CSRNP3: variants seen among roughly 807,000 people sequenced by gnomAD.
CSRNP3 encodes the protein cysteine/serine-rich nuclear protein 3.
A neutral mutation model predicts 48.0 loss-of-function variants in CSRNP3; 12 were observed. The ratio of observed to expected loss-of-function variants is 0.25; its 90% confidence interval spans 0.16 to 0.41. CSRNP3 has a LOEUF of 0.41. Among genes scored for constraint, CSRNP3 ranks in the 10% least tolerant of loss-of-function variants. The probability of loss-of-function intolerance (pLI) is 1.00; values close to 1 mark genes in which losing one functional copy is unlikely to be tolerated. For missense variants in CSRNP3, 580 were observed against 724.4 expected, an observed-to-expected ratio of 0.80 and a Z score of 2.29; for synonymous variants, 263 against 269.7, an observed-to-expected ratio of 0.98 and a Z score of 0.24.
chr2:165,514,415 T>A (rs1684547611), intron 2 of CSRNP3, among the ~76,000 whole-genome samples: 1 of 152,254 alleles, frequency 6.6e-6, no homozygotes, highest in South Asian at 2.1e-4. Context: ...TGCCCCTTAA[T>A]CTTCCTGAGG....
chr2:165,600,521 A>G (rs919605444), intron 4 of CSRNP3, among the ~76,000 whole-genome samples: 3 of 152,176 alleles, frequency 2.0e-5, no homozygotes, highest in South Asian at 2.1e-4. Flanking sequence ...TGACCTCCAC[A>G]AGGATTGAAC....
At chr2:165,512,575 A>G (rs1250370417) in intron 2 of CSRNP3, among the ~76,000 whole-genome samples, 2 of 152,148 alleles carry the variant, frequency 1.3e-5, no homozygotes, top group African/African-American at 4.8e-5. Context: ...ACTAAGTACT[A>G]TTATTCTTTT....
chr2:165,592,701 C>A (rs1685738412), intron 3 of CSRNP3, among the ~76,000 whole-genome samples: 2 of 151,992 alleles, frequency 1.3e-5, no homozygotes, highest in Non-Finnish European at 2.9e-5. Flanking sequence ...TCTCTTCTGC[C>A]ATGTGAAGAA....
intron 2 of CSRNP3, among the ~76,000 whole-genome samples, chr2:165,516,604 C>T (rs1025749050): frequency 6.6e-6 from 1 of 151,930 alleles, no homozygotes; most frequent in Non-Finnish European, 1.5e-5. Context: ...TTTTTAAAAA[C>T]CTAAAAATCA....
chr2:165,572,115 G>A (rs954005499), intron 3 of CSRNP3, among the ~76,000 whole-genome samples: 4 of 151,978 alleles, frequency 2.6e-5, no homozygotes, highest in Non-Finnish European at 5.9e-5. Context: ...ATAAAATCTA[G>A]TTAACTTCTT....
At chr2:165,668,220 TA>T in intron 5 of CSRNP3, among the ~76,000 whole-genome samples, 1 of 152,226 alleles carries the variant, frequency 6.6e-6, no homozygotes, top group Middle Eastern at 3.4e-3. Context: ...AGTAATACGT[TA>T]GCTCAACCAG....
chr2:165,514,045 A>G (rs1039666761), intron 2 of CSRNP3, among the ~76,000 whole-genome samples: 2 of 152,232 alleles, frequency 1.3e-5, no homozygotes, highest in African/African-American at 2.4e-5. Context: ...CATTAAAGTT[A>G]TATTCAGACA....
intron 4 of CSRNP3, among the ~76,000 whole-genome samples, chr2:165,599,569 G>C: frequency 6.6e-6 from 1 of 152,148 alleles, no homozygotes; most frequent in African/African-American, 2.4e-5. Flanking sequence ...AGGATTACAG[G>C]CAAGAGCCAC....
intron 1 of CSRNP3, among the ~76,000 whole-genome samples, chr2:165,482,426 G>A (rs1459069447): frequency 1.3e-5 from 2 of 151,994 alleles, no homozygotes; most frequent in African/African-American, 4.8e-5. Context: ...ACTACGCTGG[G>A]CCAGTTTTTG....
chr2:165,594,208 G>A (rs1257907607), intron 3 of CSRNP3, among the ~76,000 whole-genome samples: 1 of 152,000 alleles, frequency 6.6e-6, no homozygotes, highest in African/African-American at 2.4e-5. Context: ...TTCAGTTAAT[G>A]TAATTTAGCA....
chr2:165,620,921 A>C (rs1686327811), intron 4 of CSRNP3, among the ~76,000 whole-genome samples: 4 of 152,050 alleles, frequency 2.6e-5, no homozygotes, highest in Admixed American at 2.6e-4. Context: ...TATATATTAT[A>C]ATATTATCAT....
intron 3 of CSRNP3, among the ~76,000 whole-genome samples, chr2:165,552,348 T>C (rs1685108350): frequency 6.6e-6 from 1 of 152,230 alleles, no homozygotes; most frequent in Non-Finnish European, 1.5e-5. Flanking sequence ...ATCTCAGTAA[T>C]CTGAACAGAA....
intron 2 of CSRNP3, among the ~76,000 whole-genome samples, chr2:165,504,062 C>T (rs1485836529): frequency 6.6e-6 from 1 of 151,880 alleles, no homozygotes; most frequent in Admixed American, 6.6e-5. Context: ...TTGCCTTTGA[C>T]TCTATTTCAT....
intron 4 of CSRNP3, among the ~76,000 whole-genome samples, chr2:165,622,121 A>G (rs7591092): frequency 0.7 from 105,932 of 151,782 alleles, 38,215 homozygotes; most frequent in Non-Finnish European, 0.79. Context: ...GATTACCATG[A>G]CATTTGGAAA....
chr2:165,619,129 G>C (rs1686297302), intron 4 of CSRNP3, among the ~76,000 whole-genome samples: 1 of 152,062 alleles, frequency 6.6e-6, no homozygotes, highest in Non-Finnish European at 1.5e-5. Context: ...GAGAACTAAA[G>C]TAAAATAGAG....
rs374516256 is a variant in CSRNP3 at position 165,592,801 on chromosome 2, C to CTTTTTTTT, written c.-23-2242_-23-2241insTTTTTTTT. Among the ~76,000 whole-genome samples, 7 of 133,444 alleles carry CTTTTTTTT rather than the reference C, an allele frequency of 5.2e-5. 2 individuals are homozygous for CTTTTTTTT. Among genetic ancestry groups the CTTTTTTTT allele is most frequent in the Admixed American group, 7.6e-5 (1 of 13,244 alleles). 87.5% of individuals were successfully genotyped at this position (133,444 alleles called of 152,430 possible). On this transcript the variant is annotated intron_variant, in intron 3 of 6. Transcript: ENST00000651982. ...ACTGTGAGTCAATTAAACCTCTTTTCATTTTTTTTTTTTTTTTTGAGACGG... is the reference window on the plus strand; with the variant it reads ...ACTGTGAGTCAATTAAACCTCTTTTCTTTTTTTTATTTTTTTTTTTTTTTTTGAGACGG...
chr2:165,522,097 C>A (rs538211278), intron 3 of CSRNP3, among the ~76,000 whole-genome samples: 81 of 152,176 alleles, frequency 5.3e-4, no homozygotes, highest in African/African-American at 1.9e-3. Context: ...TTGAGACCAG[C>A]CTGGGCAACA....
chr2:165,622,622 T>C (rs1009362184), intron 4 of CSRNP3, among the ~76,000 whole-genome samples: 44 of 152,206 alleles, frequency 2.9e-4, no homozygotes, highest in African/African-American at 1.1e-3. Flanking sequence ...TATCTTGTGT[T>C]TGAAGTTGGC....
In CSRNP3 at chr2:165,676,580, C is replaced by T. The variant is rs184029617; in HGVS notation, c.677C>T (p.Thr226Ile). ...CRVFCDPDTC[T>I]CSLAGIKCQV... ...GTGTTCTGTGATCCAGACACGTGCA[C>T]CTGCAGCCTGGCTGGCATTAAGTGC... The change falls in exon 6 of 7, where the codon ACC becomes ATC. Residue 226 changes from threonine (T) to isoleucine (I), a missense_variant. This residue lies in a region of CSRNP3 where 66 missense variants were observed against 137.6 expected (regional missense o/e 0.48). Transcript: ENST00000651982. The T allele has an allele frequency of 1.9e-6, 3 of 1,613,154 alleles. 1 individual carries two copies. In the South Asian group the frequency reaches 3.3e-5, roughly 18 times the overall value.
Sources: allele counts gnomAD v4.1 joint callset (sites outside exome capture counted in the v4.1 genomes callset), GRCh38; gene constraint gnomAD v4.1.1; regional missense constraint gnomAD v4.1.1; transcripts MANE v1.5; gene names NCBI Gene and HGNC (gene_info 2026-07-23, HGNC 2026-07-21).